CHODL: variants seen among roughly 807,000 people sequenced by gnomAD.
CHODL encodes the protein chondrolectin, also known as transmembrane protein MT75.
A neutral mutation model predicts 34.5 loss-of-function variants in CHODL; 29 were observed. The observed-to-expected ratio is 0.84, with a 90% confidence interval of 0.63 to 1.15. CHODL has a LOEUF of 1.15. Among genes scored for constraint, CHODL ranks in the 50% most tolerant of loss-of-function variants. CHODL has a pLI of 0.00. For synonymous variants in CHODL, 125 were observed against 116.1 expected (o/e 1.08, Z -0.49); for missense variants, 332 against 332.5 (o/e 1.00, Z 0.01).
chr21:18,239,939 A>AGAGG (rs2074065652), upstream of CHODL, among the ~76,000 whole-genome samples: 1 of 151,968 alleles, frequency 6.6e-6, no homozygotes, highest in South Asian at 2.1e-4. Flanking sequence ...AGAGAAAGAA[A>AGAGG]GAGGGAGGGA....
chr21:18,260,998 A>G (rs2074375175), intron 4 of CHODL, among the ~76,000 whole-genome samples: 1 of 152,134 alleles, frequency 6.6e-6, no homozygotes, highest in Admixed American at 6.5e-5. Flanking sequence ...GGATCCTTAA[A>G]TTGCTTGAAG....
At chr21:18,248,717 CATATATATGTATATAAT>C (rs2074184284) in intron 1 of CHODL, among the ~76,000 whole-genome samples, 1 of 110,108 alleles carries the variant, frequency 9.1e-6, no homozygotes, top group Non-Finnish European at 1.7e-5. Context: ...ATAATATATA[CATATATATGTATATAAT>C]ATATATGTAT....
intron 2 of CHODL, among the ~76,000 whole-genome samples, chr21:18,069,548 A>G (rs1216748760): frequency 1.3e-5 from 2 of 151,316 alleles, no homozygotes; most frequent in Admixed American, 6.6e-5. Flanking sequence ...GAATATATAT[A>G]TATATATATG....
intron 1 of CHODL, among the ~76,000 whole-genome samples, chr21:17,982,174 A>T (rs181210953): frequency 3.9e-5 from 6 of 152,264 alleles, no homozygotes; most frequent in South Asian, 2.1e-4. Context: ...CTTATCCCCA[A>T]CTTAAGTATA....
intron 2 of CHODL, among the ~76,000 whole-genome samples, chr21:18,069,584 C>T (rs1248846201): frequency 6.6e-6 from 1 of 150,716 alleles, no homozygotes; most frequent in East Asian, 1.9e-4. Context: ...GGACACTGTA[C>T]CTGCTCTATG....
At chr21:17,929,390 T>G (rs1331059201) in intron 1 of CHODL, among the ~76,000 whole-genome samples, 1 of 152,264 alleles carries the variant, frequency 6.6e-6, no homozygotes, top group Non-Finnish European at 1.5e-5. Flanking sequence ...TGGTTCAAGA[T>G]GGCTGACTAG....
intron 2 of CHODL, among the ~76,000 whole-genome samples, chr21:18,140,811 T>C (rs2072791943): frequency 6.6e-6 from 1 of 152,092 alleles, no homozygotes. Flanking sequence ...AGCTCTTGCA[T>C]CTTGAAAAAC....
chr21:18,080,159 T>G (rs1232508050), intron 2 of CHODL, among the ~76,000 whole-genome samples: 2 of 152,176 alleles, frequency 1.3e-5, no homozygotes, highest in African/African-American at 4.8e-5. Context: ...TTCATGTTCT[T>G]TGCTCCCTTT....
intron 2 of CHODL, among the ~76,000 whole-genome samples, chr21:18,078,135 C>T (rs1600973275): frequency 6.6e-6 from 1 of 152,078 alleles, no homozygotes; most frequent in East Asian, 1.9e-4. Context: ...TTAGTCTGTT[C>T]TCATGCTGCT....
chr21:18,031,892 A>G (rs1334362959), intron 2 of CHODL, among the ~76,000 whole-genome samples: 2 of 152,098 alleles, frequency 1.3e-5, no homozygotes, highest in Non-Finnish European at 2.9e-5. Context: ...TATGCTGTGA[A>G]CCTTCATCCT....
intron 1 of CHODL, among the ~76,000 whole-genome samples, chr21:17,947,308 C>T (rs1469040336): frequency 6.6e-6 from 1 of 151,852 alleles, no homozygotes; most frequent in African/African-American, 2.4e-5. Context: ...ATTCCTGAGA[C>T]AAATGAAATG....
At chr21:17,938,878 C>T (rs181061122) in intron 1 of CHODL, among the ~76,000 whole-genome samples, 1 of 149,650 alleles carries the variant, frequency 6.7e-6, no homozygotes, top group African/African-American at 2.6e-5. Context: ...ACTGCCTCTG[C>T]TGGATTTTTT....
At chr21:18,094,742 CA>C (rs3984979) in intron 2 of CHODL, among the ~76,000 whole-genome samples, 5,922 of 126,476 alleles carry the variant, frequency 0.047, 258 homozygotes, top group East Asian at 0.14. Context: ...ATGTCTACAT[CA>C]AAAAAAAAAA....
At chr21:18,089,753 TACAAC>T (rs67604417) in intron 2 of CHODL, among the ~76,000 whole-genome samples, 6,796 of 152,216 alleles carry the variant, frequency 0.045, 490 homozygotes, top group African/African-American at 0.16. Context: ...CTTTTAAACT[TACAAC>T]AAAGAAGAGG....
chr21:18,105,544 T>C (rs56671165), intron 2 of CHODL, among the ~76,000 whole-genome samples: 7,412 of 152,216 alleles, frequency 0.049, 596 homozygotes, highest in African/African-American at 0.17. Context: ...TTATAGGCCA[T>C]GGACCCACAG....
chr21:17,997,837 G>A (rs2063866149), intron 1 of CHODL, among the ~76,000 whole-genome samples: 1 of 152,082 alleles, frequency 6.6e-6, no homozygotes, highest in African/African-American at 2.4e-5. Flanking sequence ...GGGAATTCTG[G>A]GAGATACAAT....
chr21:18,188,103 T>C (rs1304317025), intron 2 of CHODL, among the ~76,000 whole-genome samples: 7 of 151,440 alleles, frequency 4.6e-5, no homozygotes, highest in Non-Finnish European at 1.0e-4. Flanking sequence ...TTTATTAAAA[T>C]TGATCATTTT....
intron 1 of CHODL, among the ~76,000 whole-genome samples, chr21:17,922,533 G>C (rs1304051596): frequency 6.6e-6 from 1 of 152,174 alleles, no homozygotes; most frequent in Non-Finnish European, 1.5e-5. Context: ...TGGTAGCTCT[G>C]ATAAGGTTGT....
rs994341720 is a variant in CHODL at position 18,171,749 on chromosome 21, T to C, written c.-44-84760T>C. ...ATATTCTCTTCAGTTTTTTTTTTTTTCTTTTTTTTGCTCTTGTAGTTGCTG... is the reference window on the plus strand; with the variant it reads ...ATATTCTCTTCAGTTTTTTTTTTTTCCTTTTTTTTGCTCTTGTAGTTGCTG... On this transcript the variant is annotated intron_variant, in intron 2 of 6. Transcript: ENST00000400127. Among the ~76,000 whole-genome samples the C allele has an allele frequency of 2.7e-4, 39 of 144,744 alleles. 1 individual carries two copies. In the South Asian group the frequency reaches 6.4e-3, roughly 24 times the overall value. The allele number at this position is 144,744 out of a possible 152,430, so 95.0% of individuals were successfully genotyped here.
Sources: allele counts gnomAD v4.1 joint callset (sites outside exome capture counted in the v4.1 genomes callset), GRCh38; gene constraint gnomAD v4.1.1; transcripts MANE v1.5; gene names NCBI Gene and HGNC (gene_info 2026-07-23, HGNC 2026-07-21).